GRID2: variants seen among roughly 807,000 people sequenced by gnomAD.
GRID2 encodes the protein glutamate ionotropic receptor delta type subunit 2.
In GRID2, 33 loss-of-function variants were observed where a neutral mutation model predicts 114.8. The ratio of observed to expected loss-of-function variants is 0.29; its 90% confidence interval spans 0.22 to 0.38. The LOEUF is 0.38. Among genes scored for constraint, GRID2 ranks in the 10% least tolerant of loss-of-function variants. The pLI, the probability that GRID2 is intolerant of heterozygous loss-of-function variation, is 1.00. For synonymous variants in GRID2, 505 were observed against 449.9 expected, an observed-to-expected ratio of 1.12 and a Z score of -1.55; for missense variants, 1,184 against 1,257.7, an observed-to-expected ratio of 0.94 and a Z score of 0.89.
chr4:93,412,145 G>C (rs1193184604), intron 9 of GRID2, among the ~76,000 whole-genome samples: 3 of 151,528 alleles, frequency 2.0e-5, no homozygotes, highest in African/African-American at 7.3e-5. Context: ...GCTGGGTTCT[G>C]TGGCTCATGC....
chr4:92,958,254 A>G (rs747875700), intron 2 of GRID2, among the ~76,000 whole-genome samples: 3 of 152,174 alleles, frequency 2.0e-5, no homozygotes, highest in East Asian at 1.9e-4. Context: ...GTTTTCCACA[A>G]TCAAGCATGA....
In GRID2 at chr4:92,602,120, C is replaced by G. The variant is rs1354299677; in HGVS notation, c.244+11834C>G. Among the ~76,000 whole-genome samples the G allele has an allele frequency of 2.0e-5, 3 of 150,736 alleles. No homozygotes were observed. In the East Asian group the frequency reaches 5.9e-4, roughly 29 times the overall value. On this transcript the variant is annotated intron_variant, in intron 2 of 15. Transcript: ENST00000282020. ...TGATAGCATTTCTTCTGAAACTATT[C>G]CAAACAATTGAAAAGGAGGGACTTC... is the stretch of plus-strand genomic sequence containing the variant.
At chr4:93,539,237 A>G (rs1188989522) in intron 13 of GRID2, among the ~76,000 whole-genome samples, 1 of 151,960 alleles carries the variant, frequency 6.6e-6, no homozygotes, top group Non-Finnish European at 1.5e-5. Context: ...TCCCCATTAT[A>G]ATTGTACTCA....
intron 8 of GRID2, chr4:93,258,907 C>T (rs1393128101): frequency 2.2e-6 from 1 of 455,154 alleles, no homozygotes; most frequent in African/African-American, 2.0e-5. Context: ...ATGAAAGAAT[C>T]AGACCACAGG....
chr4:92,758,843 A>G (rs1200997712), intron 2 of GRID2, among the ~76,000 whole-genome samples: 2 of 152,084 alleles, frequency 1.3e-5, no homozygotes, highest in African/African-American at 4.8e-5. Flanking sequence ...AGATGTAAAG[A>G]TTGGTCCTAT....
intron 1 of GRID2, among the ~76,000 whole-genome samples, chr4:92,536,393 C>G (rs925590905): frequency 5.9e-5 from 9 of 152,110 alleles, no homozygotes; most frequent in African/African-American, 2.2e-4. Flanking sequence ...AGTCCCCACC[C>G]AACCCAGAAA....
chr4:93,485,685 C>G (rs1726317288), intron 11 of GRID2, among the ~76,000 whole-genome samples: 1 of 151,826 alleles, frequency 6.6e-6, no homozygotes, highest in South Asian at 2.1e-4. Context: ...AATCAAGTGC[C>G]TATGTATGCA....
At chr4:93,769,718 T>C (rs1359738888) in intron 15 of GRID2, among the ~76,000 whole-genome samples, 1 of 152,188 alleles carries the variant, frequency 6.6e-6, no homozygotes, top group African/African-American at 2.4e-5. Context: ...TTCTCTCAAA[T>C]CTCAGAATAG....
chr4:92,520,520 T>C (rs989554691), intron 1 of GRID2, among the ~76,000 whole-genome samples: 8 of 151,970 alleles, frequency 5.3e-5, no homozygotes, highest in Admixed American at 3.3e-4. Flanking sequence ...GCTGATTGTG[T>C]TTCTTTACCA....
chr4:92,580,288 A>G (rs957044042), intron 1 of GRID2, among the ~76,000 whole-genome samples: 1 of 151,414 alleles, frequency 6.6e-6, no homozygotes, highest in Non-Finnish European at 1.5e-5. Flanking sequence ...GGATATCTGT[A>G]AAATCTTCAT....
chr4:93,408,722 T>G (rs1259793847), intron 9 of GRID2, among the ~76,000 whole-genome samples: 1 of 152,074 alleles, frequency 6.6e-6, no homozygotes, highest in Non-Finnish European at 1.5e-5. Context: ...ACTTAAAGCC[T>G]TTGTAGCTTT....
chr4:92,694,990 G>A (rs1734356321), intron 2 of GRID2, among the ~76,000 whole-genome samples: 1 of 151,766 alleles, frequency 6.6e-6, no homozygotes, highest in Admixed American at 6.6e-5. Context: ...TTTTTGGGAT[G>A]GAGTCTCACT....
At position 93,020,205 on chromosome 4, in the gene GRID2, C is replaced by A. The variant is rs571241479; in HGVS notation, c.245-64790C>A. On this transcript the variant is annotated intron_variant, in intron 2 of 15. Coordinates refer to ENST00000282020, the MANE Select transcript of GRID2 (RefSeq NM_001510.4). Reference sequence around the variant, plus strand: ...TTGAGGTAATATTTGAGTGCAATGTCATATTACAATTAGTATCATGTCTTC... The same window carrying A: ...TTGAGGTAATATTTGAGTGCAATGTAATATTACAATTAGTATCATGTCTTC... Among the ~76,000 whole-genome samples, 16 of 152,226 alleles carry A rather than the reference C, an allele frequency of 1.1e-4. 2 individuals carry two copies. The South Asian group carries it at 2.9e-3, about 28-fold the overall frequency.
At chr4:92,439,370 T>A (rs907650361) in intron 1 of GRID2, among the ~76,000 whole-genome samples, 9 of 152,138 alleles carry the variant, frequency 5.9e-5, no homozygotes, top group African/African-American at 1.7e-4. Context: ...GTCACAGGGG[T>A]TGCAATGGCT....
At chr4:93,475,054 G>T in intron 11 of GRID2, among the ~76,000 whole-genome samples, 1 of 151,892 alleles carries the variant, frequency 6.6e-6, no homozygotes, top group East Asian at 1.9e-4. Flanking sequence ...CTTCCTCTTT[G>T]TTACATCCAT....
At chr4:93,390,346 T>G (rs1399166781) in intron 8 of GRID2, among the ~76,000 whole-genome samples, 1 of 152,116 alleles carries the variant, frequency 6.6e-6, no homozygotes. Context: ...ACCCGAAAAA[T>G]GAGACTGAGC....
chr4:92,938,105 C>T lies in GRID2; in HGVS notation c.245-146890C>T, dbSNP rs147884361. Among the ~76,000 whole-genome samples, 506 of 146,612 alleles carry T rather than the reference C, an allele frequency of 3.5e-3. 56 individuals are homozygous for T. The highest frequency in any genetic ancestry group is 0.018 in the Middle Eastern group (5 of 284). On this transcript the variant is annotated intron_variant, in intron 2 of 15. Coordinates refer to ENST00000282020, the MANE Select transcript of GRID2 (RefSeq NM_001510.4). The stretch of plus-strand genomic sequence containing the variant: ...TTTATGCATGAACTGAGAAGAATTT[C>T]TGTTTATTTCTCTTTGTTTTATCAA...
intron 9 of GRID2, among the ~76,000 whole-genome samples, chr4:93,405,755 G>C (rs1191309028): frequency 6.6e-6 from 1 of 152,070 alleles, no homozygotes; most frequent in Admixed American, 6.6e-5. Context: ...TAATGTTAAG[G>C]TGTCCTTGAA....
chr4:92,933,532 A>G (rs1166518896), intron 2 of GRID2, among the ~76,000 whole-genome samples: 2 of 151,552 alleles, frequency 1.3e-5, no homozygotes, highest in Admixed American at 6.6e-5. Context: ...GTCAAGAATA[A>G]GTGATGTGGA....
Sources: allele counts gnomAD v4.1 joint callset (sites outside exome capture counted in the v4.1 genomes callset), GRCh38; gene constraint gnomAD v4.1.1; transcripts MANE v1.5; gene names NCBI Gene and HGNC (gene_info 2026-07-23, HGNC 2026-07-21).